The following BEND5 variants were observed in gnomAD, a reference collection of about 807,000 sequenced individuals.
BEND5 encodes BEN domain-containing protein 5.
A neutral mutation model predicts 43.9 loss-of-function variants in BEND5; 22 were observed. The ratio of observed to expected loss-of-function variants is 0.50; its 90% CI spans 0.36 to 0.72. The LOEUF is 0.72. BEND5 is among the 30% of genes least tolerant of loss of function. BEND5 has a pLI of 0.00. For synonymous variants in BEND5, 228 were observed against 225.9 expected, an observed-to-expected ratio of 1.01 and a Z score of -0.08; for missense variants, 428 against 550.6, an observed-to-expected ratio of 0.78 and a Z score of 2.23.
Position 48,736,950 on chromosome 1 carries a change from A to T in BEND5, c.895-498T>A, listed in dbSNP as rs1464253664. Reference sequence around the variant, plus strand: ...TACCTTCCTAGTATGGTGGTTCTCAACCTTGGCTGCACACAGGGGTCACCT... The same window carrying T: ...TACCTTCCTAGTATGGTGGTTCTCATCCTTGGCTGCACACAGGGGTCACCT... On this transcript the variant is annotated intron_variant, in intron 4 of 5. Transcript: ENST00000371833. This position sits in a 1 kb window ranked among gnomAD's most constrained non-coding sequence, Gnocchi z 4.0. Among the ~76,000 whole-genome samples, 1 of 152,088 alleles carries T rather than the reference A, an allele frequency of 6.6e-6. No individual in the cohort carries two copies. The highest frequency in any genetic ancestry group is 6.5e-5 in the Admixed American group (1 of 15,270).
At chr1:48,730,130 G>GT (rs1480465289) in intron 5 of BEND5, among the ~76,000 whole-genome samples, 3 of 152,094 alleles carry the variant, frequency 2.0e-5, no homozygotes, top group Non-Finnish European at 4.4e-5. Context: ...ACCTGTCTCG[G>GT]TTTTTCTCTC....
intron 2 of BEND5, among the ~76,000 whole-genome samples, chr1:48,760,560 A>G (rs1186338401): frequency 6.6e-6 from 1 of 152,170 alleles, no homozygotes; most frequent in Non-Finnish European, 1.5e-5. Context: ...ATAATGTGAG[A>G]CCCCTGGAGG....
Position 48,776,857 on chromosome 1 carries a change from T to TCGGGCAGCTCAGCCCGCGGGG in BEND5, c.-47_-27dup. On this transcript the variant is annotated 5_prime_UTR_variant, in exon 1 of 6. Coordinates refer to ENST00000371833, the MANE Select transcript of BEND5 (RefSeq NM_024603.4). ...GGTGGGCGCCGGGGGCGGGCCCCGG[T>TCGGGCAGCTCAGCCCGCGGGG]CGGGCAGCTCAGCCCGCGGGGCGGG... 1 of 1,384,260 alleles carries TCGGGCAGCTCAGCCCGCGGGG rather than the reference T, an allele frequency of 7.2e-7. No homozygotes were observed. Among genetic ancestry groups the TCGGGCAGCTCAGCCCGCGGGG allele is most frequent in the Non-Finnish European group, 9.5e-7 (1 of 1,057,106 alleles). The allele number at this position is 1,384,260 out of a possible 1,614,324, so 85.7% of individuals were successfully genotyped here.
intron 1 of BEND5, 56 bp downstream of exon 1, chr1:48,776,550 C>A: frequency 8.0e-7 from 1 of 1,250,348 alleles, no homozygotes; most frequent in Non-Finnish European, 1.0e-6. Context: ...CCCGGCCCCT[C>A]CCGGGGTCCC....
Position 48,736,592 on chromosome 1 carries a change from A to G in BEND5, c.895-140T>C. On this transcript the variant is annotated intron_variant, in intron 4 of 5. Coordinates refer to ENST00000371833, the MANE Select transcript of BEND5 (RefSeq NM_024603.4). This position sits in a 1 kb window ranked among gnomAD's most constrained non-coding sequence, Gnocchi z 4.0. Reference sequence around the variant, plus strand: ...ATGAAATTAACTCTCTTTAAGGGTAATCGTAATAGCTATCATCTACTGAAT... The same window carrying G: ...ATGAAATTAACTCTCTTTAAGGGTAGTCGTAATAGCTATCATCTACTGAAT... 1 of 720,972 alleles carries G rather than the reference A, an allele frequency of 1.4e-6. No homozygotes were observed. Among genetic ancestry groups the G allele is most frequent in the South Asian group, 1.9e-5 (1 of 53,774 alleles). The allele number at this position is 720,972 out of a possible 1,614,324, so 44.7% of individuals were successfully genotyped here. A position where few individuals can be genotyped will look rare whatever the true frequency, so the allele number is the denominator to read the frequency against.
At chr1:48,766,958 T>C (rs899509846) in intron 1 of BEND5, among the ~76,000 whole-genome samples, 1 of 152,212 alleles carries the variant, frequency 6.6e-6, no homozygotes, top group African/African-American at 2.4e-5. Context: ...AGGTGTGACT[T>C]CGTGAGAGAC....
At chr1:48,751,158 A>G (rs1325663467) in intron 3 of BEND5, among the ~76,000 whole-genome samples, 1 of 152,214 alleles carries the variant, frequency 6.6e-6, no homozygotes, top group Non-Finnish European at 1.5e-5. Flanking sequence ...CTAAAGAGAC[A>G]ATTTCTAAGA....
intron 1 of BEND5, among the ~76,000 whole-genome samples, chr1:48,776,264 T>C (rs960031446): frequency 6.6e-6 from 1 of 151,806 alleles, no homozygotes; most frequent in Non-Finnish European, 1.5e-5. Context: ...GAGAGAGAAA[T>C]GACGGTACAA....
At chr1:48,737,874 C>G (rs2148581716) in intron 4 of BEND5, among the ~76,000 whole-genome samples, 1 of 152,120 alleles carries the variant, frequency 6.6e-6, no homozygotes, top group Non-Finnish European at 1.5e-5. Flanking sequence ...TCTGTGGGGA[C>G]AGAGGGCGGC....
intron 1 of BEND5, among the ~76,000 whole-genome samples, chr1:48,775,039 G>A (rs566000676): frequency 2.0e-5 from 3 of 152,260 alleles, no homozygotes; most frequent in East Asian, 1.9e-4. Flanking sequence ...CTATCGTCTT[G>A]GGAAATAAAT....
intron 1 of BEND5, among the ~76,000 whole-genome samples, chr1:48,769,961 T>A (rs1644728410): frequency 3.3e-5 from 5 of 152,214 alleles, no homozygotes; most frequent in Admixed American, 3.3e-4. Flanking sequence ...GGAAATGATC[T>A]AGAAGTCATC....
At chr1:48,731,191 T>C (rs999246707) in intron 5 of BEND5, among the ~76,000 whole-genome samples, 1 of 152,102 alleles carries the variant, frequency 6.6e-6, no homozygotes, top group African/African-American at 2.4e-5. Context: ...AAATGCAATC[T>C]GGAACAGCTC....
chr1:48,763,309 T>C (rs1342923060), intron 1 of BEND5, among the ~76,000 whole-genome samples: 4 of 152,138 alleles, frequency 2.6e-5, no homozygotes, highest in Non-Finnish European at 1.5e-5. Flanking sequence ...ATAAAACACA[T>C]CCAATGGGTT....
chr1:48,776,851 C>A lies in BEND5; in HGVS notation c.-20G>T. The A allele has an allele frequency of 6.7e-7, 1 of 1,486,906 alleles. No individual in the cohort carries two copies. The highest frequency in any genetic ancestry group is 8.9e-7 in the Non-Finnish European group (1 of 1,118,994). 92.1% of individuals were successfully genotyped at this position (1,486,906 alleles called of 1,614,324 possible). A position where few individuals can be genotyped will look rare whatever the true frequency, so the allele number is the denominator to read the frequency against. ...GTACATGGTGGGCGCCGGGGGCGGG[C>A]CCCGGTCGGGCAGCTCAGCCCGCGG... On this transcript the variant is annotated 5_prime_UTR_variant, in exon 1 of 6. Coordinates refer to ENST00000371833, the MANE Select transcript of BEND5 (RefSeq NM_024603.4).
intron 5 of BEND5, among the ~76,000 whole-genome samples, chr1:48,734,087 T>A (rs1400297072): frequency 6.6e-6 from 1 of 152,200 alleles, no homozygotes; most frequent in Non-Finnish European, 1.5e-5. Context: ...ATGGCCTTTT[T>A]CTCAGGGTGA....
intron 1 of BEND5, among the ~76,000 whole-genome samples, chr1:48,765,381 C>A (rs1644479665): frequency 6.6e-6 from 1 of 152,178 alleles, no homozygotes; most frequent in Non-Finnish European, 1.5e-5. Flanking sequence ...ACTTTATACT[C>A]ATTAGGATGG....
chr1:48,753,856 T>C (rs1300175720), intron 3 of BEND5, among the ~76,000 whole-genome samples: 1 of 152,252 alleles, frequency 6.6e-6, no homozygotes, highest in Non-Finnish European at 1.5e-5. Context: ...CTCTTCTGGT[T>C]AGAATTCATC....
At chr1:48,753,152 A>C (rs1652021263) in intron 3 of BEND5, among the ~76,000 whole-genome samples, 1 of 152,244 alleles carries the variant, frequency 6.6e-6, no homozygotes, top group African/African-American at 2.4e-5. Flanking sequence ...CCGAGGCAAC[A>C]AAATTTGAAT....
intron 3 of BEND5, among the ~76,000 whole-genome samples, chr1:48,755,530 G>A (rs941051120): frequency 6.6e-6 from 1 of 152,164 alleles, no homozygotes; most frequent in African/African-American, 2.4e-5. Flanking sequence ...GGCAGAGAAC[G>A]GCAAAGCCTG....
Sources: gnomAD v4.1 joint callset for allele counts (sites outside exome capture counted in the v4.1 genomes callset) on GRCh38, gnomAD v4.1.1 for gene constraint, Gnocchi (gnomAD v3.1) non-coding constraint, MANE v1.5 for transcripts, NCBI Gene and HGNC (gene_info 2026-07-23, HGNC 2026-07-21) for gene names.